The following DMD variants were observed in gnomAD, a reference collection of about 807,000 sequenced individuals.
DMD encodes the protein dystrophin.
Under a neutral mutation model 330.1 loss-of-function variants are expected in DMD, and 63 were observed. The observed-to-expected ratio is 0.19, with a 90% CI of 0.16 to 0.24. The LOEUF is 0.24. Ranked by LOEUF, DMD falls within the 10% of genes least tolerant of loss-of-function variation. DMD has a pLI of 1.00. For missense variants in DMD, 3,344 were observed against 2,684.1 expected, an observed-to-expected ratio of 1.25 and a Z score of -5.43; for synonymous variants, 1,223 against 959.8, an observed-to-expected ratio of 1.27 and a Z score of -5.07.
intron 5 of DMD, among the ~76,000 whole-genome samples, chrX:32,819,863 A>G (rs1044866674): frequency 3.6e-5 from 4 of 110,145 alleles, no homozygotes; most frequent in African/African-American, 1.3e-4. Context: ...AAAAAAAAAA[A>G]AAAGAAAAAC....
At chrX:31,651,432 T>C (rs1486223085) in intron 54 of DMD, among the ~76,000 whole-genome samples, 1 of 111,179 alleles carries the variant, frequency 9.0e-6, no homozygotes, top group Non-Finnish European at 1.9e-5. Context: ...ACATCAACAT[T>C]TAAAATTGCA....
chrX:32,335,672 T>C (rs5972534), intron 41 of DMD, among the ~76,000 whole-genome samples: 8 of 107,582 alleles, frequency 7.4e-5, no homozygotes, highest in African/African-American at 1.4e-4. Flanking sequence ...ATATACATAA[T>C]ATGTATATAT....
intron 2 of DMD, among the ~76,000 whole-genome samples, chrX:32,941,756 A>C (rs1156605394): frequency 9.0e-6 from 1 of 111,101 alleles, no homozygotes; most frequent in Non-Finnish European, 1.9e-5. Flanking sequence ...CCTGGAATTC[A>C]CTTGCATGCT....
At chrX:31,391,370 G>T (rs1277252220) in intron 60 of DMD, among the ~76,000 whole-genome samples, 2 of 110,258 alleles carry the variant, frequency 1.8e-5, no homozygotes, top group Admixed American at 9.7e-5. Context: ...GGGTCCCAAA[G>T]TGCTGGGATT....
At chrX:33,263,873 T>G (rs1239185695) in intron 1 of DMD, among the ~76,000 whole-genome samples, 2 of 111,217 alleles carry the variant, frequency 1.8e-5, no homozygotes, top group Non-Finnish European at 3.8e-5. Context: ...AAAGTACTTA[T>G]ATTTTAAAAT....
intron 1 of DMD, among the ~76,000 whole-genome samples, chrX:33,188,132 G>T (rs955411364): frequency 9.0e-6 from 1 of 110,685 alleles, no homozygotes; most frequent in Non-Finnish European, 1.9e-5. Context: ...TATTCTCCAG[G>T]TTTTCTGCAG....
chrX:31,266,562 G>A (rs1031353886), intron 62 of DMD, among the ~76,000 whole-genome samples: 3 of 112,078 alleles, frequency 2.7e-5, no homozygotes, highest in Admixed American at 9.3e-5. Flanking sequence ...TTTTCTCTCC[G>A]AGCCCGTCCC....
chrX:33,193,161 G>A (rs1012541130), intron 1 of DMD, among the ~76,000 whole-genome samples: 3 of 111,120 alleles, frequency 2.7e-5, no homozygotes, highest in African/African-American at 9.8e-5. Context: ...ATAAAAATTA[G>A]GCGGGCATGG....
At chrX:31,836,617 A>T (rs2093203745) in intron 49 of DMD, 101 bp downstream of exon 49, 1 of 694,959 alleles carries the variant, frequency 1.4e-6, no homozygotes. Flanking sequence ...CTTACAAGTT[A>T]TTTCACTGAT....
At chrX:32,641,997 C>T (rs995469319) in intron 11 of DMD, among the ~76,000 whole-genome samples, 2 of 110,772 alleles carry the variant, frequency 1.8e-5, no homozygotes, top group Admixed American at 9.6e-5. Context: ...TTAAGTAAAA[C>T]CTAGATTAGT....
chrX:31,490,974 T>C (rs922325720), intron 57 of DMD, among the ~76,000 whole-genome samples: 2 of 112,488 alleles, frequency 1.8e-5, no homozygotes, highest in Admixed American at 9.4e-5. Flanking sequence ...CCTTTTCATT[T>C]GTCAACAGCA....
At chrX:33,015,863 G>A (rs1026309464) in intron 2 of DMD, among the ~76,000 whole-genome samples, 4 of 110,984 alleles carry the variant, frequency 3.6e-5, no homozygotes, top group East Asian at 2.8e-4. Context: ...TATATGTTGC[G>A]GCAATGAAGA....
At chrX:32,344,461 T>C (rs2097757677) in intron 39 of DMD, among the ~76,000 whole-genome samples, 1 of 111,740 alleles carries the variant, frequency 8.9e-6, no homozygotes, top group Non-Finnish European at 1.9e-5. Context: ...CATTATCTAG[T>C]TTGTTTAAAA....
intron 59 of DMD, among the ~76,000 whole-genome samples, chrX:31,471,197 A>T (rs566500037): frequency 9.0e-6 from 1 of 111,091 alleles, no homozygotes; most frequent in African/African-American, 3.3e-5. Context: ...ACGCTGGGAT[A>T]TGAAAAAAAC....
intron 60 of DMD, among the ~76,000 whole-genome samples, chrX:31,407,367 T>C (rs995597469): frequency 2.2e-4 from 24 of 110,764 alleles, no homozygotes; most frequent in Non-Finnish European, 3.8e-4. Context: ...GGTTTCACTA[T>C]GTTGGCCAGG....
intron 59 of DMD, among the ~76,000 whole-genome samples, chrX:31,454,954 T>TC (rs1404461685): frequency 1.0e-5 from 1 of 98,634 alleles, no homozygotes; most frequent in African/African-American, 3.8e-5. Flanking sequence ...TCTTTTTCTT[T>TC]TTTTTTTTTT....
chrX:32,731,207 C>A (rs1208102670), intron 7 of DMD, among the ~76,000 whole-genome samples: 2 of 112,244 alleles, frequency 1.8e-5, no homozygotes, highest in East Asian at 5.7e-4. Context: ...TTCCGACGGG[C>A]TTAAAAAACG....
intron 43 of DMD, among the ~76,000 whole-genome samples, chrX:32,222,075 A>G (rs533860314): frequency 8.9e-6 from 1 of 111,865 alleles, no homozygotes; most frequent in African/African-American, 3.2e-5. Context: ...TTTTTGATAT[A>G]ATGAATTCTC....
At chrX:32,668,467 G>A (rs942841455) in intron 9 of DMD, among the ~76,000 whole-genome samples, 55 of 111,597 alleles carry the variant, frequency 4.9e-4, no homozygotes, top group African/African-American at 1.6e-3. Context: ...TTTTTGACAG[G>A]GCTTGTTTCT....
Sources: allele counts gnomAD v4.1 joint callset (sites outside exome capture counted in the v4.1 genomes callset), GRCh38; gene constraint gnomAD v4.1.1; transcripts MANE v1.5; gene names NCBI Gene and HGNC (gene_info 2026-07-23, HGNC 2026-07-21).